The following HYAL1 variants were observed in gnomAD, a reference collection of about 807,000 sequenced individuals.
HYAL1 encodes the protein hyaluronidase-1.
Under a neutral mutation model 28.8 loss-of-function variants are expected in HYAL1, and 21 were observed. The ratio of observed to expected loss-of-function variants is 0.73; its 90% confidence interval spans 0.52 to 1.05. The LOEUF is 1.05. Among genes scored for constraint, HYAL1 ranks in the 50% least tolerant of loss-of-function variants. The pLI, the probability that HYAL1 is intolerant of heterozygous loss-of-function variation, is 0.00. For missense variants in HYAL1, 491 were observed against 579.2 expected, an observed-to-expected ratio of 0.85 and a Z score of 1.56; for synonymous variants, 200 against 230.1, an observed-to-expected ratio of 0.87 and a Z score of 1.18.
At position 50,300,605 on chromosome 3, in the gene HYAL1, C is replaced by T. The variant is rs1553712458; in HGVS notation, c.1186G>A (p.Gly396Arg). ...SFSIQLTPGG[G>R]PLSLRGALSL... ...AGGGCACCCCGCAGGCTCAGGGGCC[C>T]ACCACCAGGCGTGAGCTGGATGGAG... The change falls in exon 4 of 4, where the codon GGG becomes AGG. Residue 396 changes from glycine (G) to arginine (R), a missense_variant. Coordinates refer to ENST00000395144, the MANE Select transcript of HYAL1 (RefSeq NM_033159.4). The T allele has an allele frequency of 4.3e-6, 7 of 1,614,108 alleles. No homozygotes were observed. The African/African-American group carries it at 8.0e-5, about 18-fold the overall frequency.
Position 50,308,629 on chromosome 3 carries a change from G to A in HYAL1, c.-191+1030C>T, listed in dbSNP as rs181630418. Reference sequence around the variant, plus strand: ...CGCCCGGCTAATTTTTTGTATTTTTGGTAGAGACAGGGTTTCACCGTGGTC... The same window carrying A: ...CGCCCGGCTAATTTTTTGTATTTTTAGTAGAGACAGGGTTTCACCGTGGTC... On this transcript the variant is annotated intron_variant, in intron 2 of 5. Transcript: ENST00000320295. Among the ~76,000 whole-genome samples the A allele has an allele frequency of 5.8e-3, 865 of 150,058 alleles. 29 individuals are homozygous for A. Among genetic ancestry groups the A allele is most frequent in the African/African-American group, 0.02 (816 of 39,878 alleles).
At chr3:50,307,469 A>G (rs2109314112), upstream of HYAL1, among the ~76,000 whole-genome samples, 1 of 150,896 alleles carries the variant, frequency 6.6e-6, no homozygotes, top group Middle Eastern at 3.4e-3. Flanking sequence ...TCACAAGGTC[A>G]GGAGATCAAG....
Position 50,300,641 on chromosome 3 carries a change from G to A in HYAL1, c.1150C>T (p.Pro384Ser), listed in dbSNP as rs782350743. Residue 384 changes from proline (P) to serine (S), a missense_variant, in exon 4 of 4, where the codon CCT (proline) becomes TCT (serine). Physicochemically the swap from Pro to Ser is moderately conservative, Grantham distance 74 (BLOSUM62 -1). Coordinates refer to ENST00000395144, the MANE Select transcript of HYAL1 (RefSeq NM_033159.4). ...SHPKALLLLN[P>S]ASFSIQLTPG... ...GTGAGCTGGATGGAGAAACTGGCAGGGTTAAGGAGGAGGAGGGCTTTGGGG... is the reference window on the plus strand; with the variant it reads ...GTGAGCTGGATGGAGAAACTGGCAGAGTTAAGGAGGAGGAGGGCTTTGGGG... 3 of 1,614,126 alleles carry A rather than the reference G, an allele frequency of 1.9e-6. No homozygotes were observed. Among genetic ancestry groups the A allele is most frequent in the Non-Finnish European group, 2.5e-6 (3 of 1,180,012 alleles).
chr3:50,305,534 CGCCTGGCCT>C (rs1702320514), upstream of HYAL1, among the ~76,000 whole-genome samples: 2 of 148,530 alleles, frequency 1.3e-5, no homozygotes, highest in African/African-American at 5.0e-5. Context: ...TGAGCCACCG[CGCCTGGCCT>C]AATTTTTTTT....
rs1326693218 is a variant in HYAL1 at position 50,303,563 on chromosome 3, C to T, written c.-122G>A. On this transcript the variant is annotated 5_prime_UTR_variant, in exon 1 of 4. Transcript: ENST00000395144. ...TTCCACCCCAGCTGCACCAGAGACT[C>T]CTGGAGGAAGGAGCCGCTGCTGGAA... The T allele has an allele frequency of 6.6e-6, 1 of 152,404 alleles. No homozygotes were observed. Among genetic ancestry groups the T allele is most frequent in the Non-Finnish European group, 1.5e-5 (1 of 68,160 alleles). The allele number at this position is 152,404 out of a possible 1,614,324, so 9.4% of individuals were successfully genotyped here. A position where few individuals can be genotyped will look rare whatever the true frequency, so the allele number is the denominator to read the frequency against.
chr3:50,302,511 T>C lies in HYAL1; in HGVS notation c.446A>G (p.Gln149Arg). Residue 149 changes from glutamine (Q) to arginine (R), a missense_variant, in exon 2 of 4, where the codon CAG becomes CGG. By Grantham distance (43) the Gln-to-Arg change is conservative. Coordinates refer to ENST00000395144, the MANE Select transcript of HYAL1 (RefSeq NM_033159.4). This position sits in a 1 kb window ranked among gnomAD's most constrained non-coding sequence, Gnocchi z 5.0. ...TGCCTGTACCAGTGCCCGTGAGCGCTGCCGGTAAATGTCCTTGGTGTCCCA... is the reference window on the plus strand; with the variant it reads ...TGCCTGTACCAGTGCCCGTGAGCGCCGCCGGTAAATGTCCTTGGTGTCCCA... ...FNWDTKDIYR[Q>R]RSRALVQAQH... 6.2e-7 allele frequency: 1 copy of C among 1,614,198 alleles called. No individual in the cohort carries two copies. Among genetic ancestry groups the C allele is most frequent in the Non-Finnish European group, 8.5e-7 (1 of 1,180,038 alleles).
intron 3 of HYAL1, 49 bp downstream of exon 3, chr3:50,300,939 T>TGGGGGGGGGGGGGCGGGGGGGGGG: frequency 1.0e-6 from 1 of 959,410 alleles, no homozygotes; most frequent in South Asian, 1.3e-5. Flanking sequence ...GTCAGCTTAA[T>TGGGGGGGGGGGGGCGGGGGGGGGG]GGCCCCACCC....
Position 50,300,482 on chromosome 3 carries a change from A to G in HYAL1, c.*1T>C. 1 of 1,614,112 alleles carries G rather than the reference A, an allele frequency of 6.2e-7. No homozygotes were observed. The highest frequency in any genetic ancestry group is 8.5e-7 in the Non-Finnish European group (1 of 1,179,958). On this transcript the variant is annotated 3_prime_UTR_variant, in exon 4 of 4. Transcript: ENST00000395144. ...ATATGTGCAACTCAGTGTGTGGCCA[A>G]TCACCACATGCTCTTCCGCTCACAC...
chr3:50,309,280 A>G (rs782373682), intron 2 of HYAL1, among the ~76,000 whole-genome samples: 2 of 150,562 alleles, frequency 1.3e-5, no homozygotes, highest in East Asian at 2.0e-4. Flanking sequence ...CCTGGCCAAC[A>G]TGGCAAAACC....
Position 50,302,929 on chromosome 3 carries a change from C to T in HYAL1, c.28G>A (p.Ala10Thr), listed in dbSNP as rs782713825. 12 of 1,580,422 alleles carry T rather than the reference C, an allele frequency of 7.6e-6. No homozygotes were observed. Among genetic ancestry groups the T allele is most frequent in the African/African-American group, 4.0e-5 (3 of 74,120 alleles). The change falls in exon 2 of 4, where the codon GCC (alanine) becomes ACC (threonine). Residue 10 changes from alanine (A) to threonine (T), a missense_variant. Ala to Thr is a moderately conservative substitution (Grantham distance 58, BLOSUM62 0). Transcript: ENST00000395144. The surrounding 1 kb of genome is among the most constrained non-coding windows in gnomAD (Gnocchi z 5.0). MAAHLLPIC[A>T]LFLTLLDMAQ... ...ATATCGAGTAAGGTCAGGAAGAGGG[C>T]GCAGATGGGAAGCAGGTGGGCTGCC...
At chr3:50,311,497 C>G (rs1316394643) in intron 1 of HYAL1, among the ~76,000 whole-genome samples, 22 of 128,474 alleles carry the variant, frequency 1.7e-4, no homozygotes, top group African/African-American at 2.7e-4. Flanking sequence ...CAGAGGGGCT[C>G]CTCACTTCCC....
In HYAL1 at chr3:50,311,904, CCT is replaced by C. The variant is rs1272894310; in HGVS notation, c.-310+358_-310+359del. Among the ~76,000 whole-genome samples the C allele has an allele frequency of 8.1e-5, 12 of 147,804 alleles. 1 individual carries two copies. Among genetic ancestry groups the C allele is most frequent in the African/African-American group, 3.0e-4 (12 of 39,658 alleles). On this transcript the variant is annotated intron_variant, in intron 1 of 5. Transcript: ENST00000320295. ...CTGGCCGGGCGGGGGGCTGATCCCCCCTCCCCTCACGGATGGGGTGGCTGGCC... is the reference window on the plus strand; with the variant it reads ...CTGGCCGGGCGGGGGGCTGATCCCCCCCCCTCACGGATGGGGTGGCTGGCC...
upstream of HYAL1, among the ~76,000 whole-genome samples, chr3:50,307,806 T>C (rs1301121821): frequency 1.3e-5 from 2 of 149,872 alleles, no homozygotes; most frequent in Admixed American, 6.6e-5. Context: ...AACTTTTTTT[T>C]TTTTTTTGAG....
Position 50,302,073 on chromosome 3 carries a change from T to G in HYAL1, c.884A>C (p.Asn295Thr), listed in dbSNP as rs782602522. Residue 295 changes from asparagine to threonine, a missense_variant, in exon 2 of 4, where the codon AAC becomes ACC. Asn to Thr is a moderately conservative substitution (Grantham distance 65). Transcript: ENST00000395144. This position sits in a 1 kb window ranked among gnomAD's most constrained non-coding sequence, Gnocchi z 5.0. The part of the protein sequence containing the change: ...PYVQIFYDTT[N>T]HFLPLDELEH... Reference sequence around the variant, plus strand: ...AAGACTCACCAGGGGCAGAAAGTGGTTTGTCGTGTCATAGAAGATCTGGAC... The same window carrying G: ...AAGACTCACCAGGGGCAGAAAGTGGGTTGTCGTGTCATAGAAGATCTGGAC... 6.2e-7 allele frequency: 1 copy of G among 1,614,014 alleles called. No homozygotes were observed. The highest frequency in any genetic ancestry group is 1.1e-5 in the South Asian group (1 of 91,078).
At chr3:50,309,425 T>C (rs1289907609) in intron 2 of HYAL1, among the ~76,000 whole-genome samples, 3 of 143,590 alleles carry the variant, frequency 2.1e-5, no homozygotes, top group Admixed American at 1.5e-4. Context: ...GATTGCACCA[T>C]TGCACTCCAG....
intron 1 of HYAL1, among the ~76,000 whole-genome samples, chr3:50,311,455 C>T (rs1456139970): frequency 7.9e-6 from 1 of 127,274 alleles, no homozygotes; most frequent in African/African-American, 3.0e-5. Flanking sequence ...GACCCCCCCC[C>T]ACCTCCCTCC....
rs989565105 is a variant in HYAL1 at position 50,300,983 on chromosome 3, C to A, written c.990+5G>T. The A allele has an allele frequency of 7.9e-7, 1 of 1,262,392 alleles. No individual in the cohort carries two copies. Among genetic ancestry groups the A allele is most frequent in the African/African-American group, 1.6e-5 (1 of 62,660 alleles). 78.2% of individuals were successfully genotyped at this position (1,262,392 alleles called of 1,614,324 possible). On this transcript the variant is annotated splice_donor_5th_base_variant and intron_variant, in intron 3 of 3. Transcript: ENST00000395144. ...CCCCCACCCTCATGCCAGGCCTAAG[C>A]TCACCTTGGTTCTTGTATTTTCCCA...
In HYAL1 at chr3:50,312,079, C is replaced by A. The variant is rs1408665415; in HGVS notation, c.-310+185G>T. On this transcript the variant is annotated intron_variant, in intron 1 of 5. Coordinates refer to the HYAL1 transcript ENST00000320295. The stretch of plus-strand genomic sequence containing the variant: ...TGGCCGGGCGGGGGGCTGACCCCCC[C>A]ACCTCCCTCCCGGACGGGGCGGCTG... Among the ~76,000 whole-genome samples the A allele has an allele frequency of 2.0e-4, 28 of 140,122 alleles. No homozygotes were observed. The South Asian group carries it at 6.2e-3, about 31-fold the overall frequency. The allele number at this position is 140,122 out of a possible 152,430, so 91.9% of individuals were successfully genotyped here. A position where few individuals can be genotyped will look rare whatever the true frequency, so the allele number is the denominator to read the frequency against.
intron 3 of HYAL1, 82 bp from the exon 4 acceptor site, chr3:50,300,882 G>T: frequency 6.5e-7 from 1 of 1,541,954 alleles, no homozygotes; most frequent in Non-Finnish European, 8.9e-7. Flanking sequence ...TCACCTGCTG[G>T]TCAGCCAGGA....
Sources: allele counts gnomAD v4.1 joint callset (sites outside exome capture counted in the v4.1 genomes callset), GRCh38; gene constraint gnomAD v4.1.1; non-coding constraint Gnocchi (gnomAD v3.1); transcripts MANE v1.5; gene names NCBI Gene and HGNC (gene_info 2026-07-23, HGNC 2026-07-21).